Variants in NUP210 observed in about 807,000 individuals in gnomAD.
The protein encoded by NUP210 is nuclear pore membrane glycoprotein 210.
In NUP210, 151 loss-of-function variants were observed where a neutral mutation model predicts 196.0. The observed-to-expected ratio is 0.77, with a 90% CI of 0.67 to 0.88. NUP210 has a LOEUF of 0.88. NUP210 is among the 40% of genes least tolerant of loss of function. The pLI is 0.00. For missense variants in NUP210, 2,314 were observed against 2,493.7 expected, an observed-to-expected ratio of 0.93 and a Z score of 1.53; for synonymous variants, 1,070 against 1,052.7, an observed-to-expected ratio of 1.02 and a Z score of -0.32.
At chr3:13,318,330 A>G (rs1696358287) in intron 39 of NUP210, among the ~76,000 whole-genome samples, 1 of 152,186 alleles carries the variant, frequency 6.6e-6, no homozygotes, top group Non-Finnish European at 1.5e-5. Flanking sequence ...CTTTGCAGGT[A>G]GAGAAGTCGT....
At chr3:13,387,913 C>T (rs1479201193) in intron 5 of NUP210, among the ~76,000 whole-genome samples, 1 of 152,098 alleles carries the variant, frequency 6.6e-6, no homozygotes, top group Non-Finnish European at 1.5e-5. Flanking sequence ...CAAGGAGAGA[C>T]AGCATAGAAG....
intron 6 of NUP210, among the ~76,000 whole-genome samples, chr3:13,381,588 T>C (rs1699102342): frequency 1.3e-5 from 2 of 152,034 alleles, no homozygotes; most frequent in African/African-American, 4.8e-5. Context: ...AGATACCCCC[T>C]GTATCCTGGA....
Position 13,358,342 on chromosome 3 carries a change from C to T in NUP210, c.2208G>A (p.Ala736=), listed in dbSNP as rs753850157. ...NKPSLTNPFP[A]VEPAVVKFVC... ...CGAACTTCACCACGGCAGGCTCCAC[C>T]GCAGGAAAGGGGTTGGTGAGGCTGG... Residue 736 remains alanine, a synonymous_variant, in exon 16 of 40, where the codon GCG becomes GCA. Transcript: ENST00000254508. 9 of 1,613,886 alleles carry T rather than the reference C, an allele frequency of 5.6e-6. No homozygotes were observed. Among genetic ancestry groups the T allele is most frequent in the Admixed American group, 1.7e-5 (1 of 60,000 alleles).
intron 6 of NUP210, among the ~76,000 whole-genome samples, chr3:13,384,831 C>T (rs557531618): frequency 6.6e-5 from 10 of 152,326 alleles, no homozygotes; most frequent in African/African-American, 2.4e-4. Context: ...TATCTTGGAG[C>T]CTCCTCCCCT....
chr3:13,410,455 G>A (rs1055926645), intron 1 of NUP210, among the ~76,000 whole-genome samples: 1 of 151,366 alleles, frequency 6.6e-6, no homozygotes, highest in Non-Finnish European at 1.5e-5. Context: ...TGGGATTACA[G>A]GCGTGAGCCA....
At chr3:13,337,982 G>C (rs1576357897) in intron 25 of NUP210, 65 bp from the exon 26 acceptor site, 1 of 1,466,650 alleles carries the variant, frequency 6.8e-7, no homozygotes. Flanking sequence ...TTCAGGAAGG[G>C]ACCCCTCAAG....
chr3:13,401,127 C>A (rs974195247), intron 1 of NUP210, among the ~76,000 whole-genome samples: 2 of 151,702 alleles, frequency 1.3e-5, no homozygotes, highest in Non-Finnish European at 1.5e-5. Context: ...GGCTTGGTGG[C>A]AGGTACCTGT....
At chr3:13,374,144 T>G (rs1451691798) in intron 11 of NUP210, among the ~76,000 whole-genome samples, 1 of 151,670 alleles carries the variant, frequency 6.6e-6, no homozygotes, top group Non-Finnish European at 1.5e-5. Context: ...CTGCTCACAC[T>G]CATTTACTCT....
In NUP210 at chr3:13,325,789, G is replaced by T. The variant is rs1200971897; in HGVS notation, c.4644+6C>A. On this transcript the variant is annotated splice_donor_region_variant and intron_variant, in intron 33 of 39. Transcript: ENST00000254508. ...CCACATGTGCCTCCGGCTGCTTAGA[G>T]CCCACCTCCTTGTAGGTCCTCAGGT... 5.6e-6 allele frequency: 9 copies of T among 1,613,420 alleles called. No homozygotes were observed. The highest frequency in any genetic ancestry group is 1.7e-5 in the Admixed American group (1 of 60,006).
intron 3 of NUP210, among the ~76,000 whole-genome samples, chr3:13,391,508 G>T (rs1460571274): frequency 6.6e-6 from 1 of 151,708 alleles, no homozygotes; most frequent in East Asian, 2.0e-4. Flanking sequence ...GTGACCACCA[G>T]GGGGCGAGGC....
Position 13,379,489 on chromosome 3 carries a change from AG to A in NUP210, c.976+73del. The A allele has an allele frequency of 1.3e-6, 2 of 1,584,238 alleles. No individual in the cohort carries two copies. The highest frequency in any genetic ancestry group is 1.7e-6 in the Non-Finnish European group (2 of 1,157,870). On this transcript the variant is annotated intron_variant, in intron 7 of 39. Coordinates refer to ENST00000254508, the MANE Select transcript of NUP210 (RefSeq NM_024923.4). This position sits in a 1 kb window ranked among gnomAD's most constrained non-coding sequence, Gnocchi z 4.2. ...CTATTTTTAGCCCTGCCGAGCTTTC[AG>A]GGAAAAAAAGACTTGACTTCCAAAC...
chr3:13,351,444 A>C (rs1697967223), intron 20 of NUP210, among the ~76,000 whole-genome samples: 1 of 152,236 alleles, frequency 6.6e-6, no homozygotes, highest in Non-Finnish European at 1.5e-5. Context: ...TGAATCAGAG[A>C]ATCTAAAGAC....
chr3:13,324,399 C>T (rs544575312), intron 33 of NUP210, among the ~76,000 whole-genome samples: 2 of 152,298 alleles, frequency 1.3e-5, no homozygotes, highest in East Asian at 3.9e-4. Flanking sequence ...GCTCCTGCCG[C>T]ACCCACCCAG....
At chr3:13,400,832 G>A (rs1020218269) in intron 1 of NUP210, among the ~76,000 whole-genome samples, 1 of 152,196 alleles carries the variant, frequency 6.6e-6, no homozygotes, top group African/African-American at 2.4e-5. Flanking sequence ...GGCCGCACCC[G>A]GCACAGCACC....
At chr3:13,363,691 T>C (rs1403472255) in intron 14 of NUP210, among the ~76,000 whole-genome samples, 1 of 152,202 alleles carries the variant, frequency 6.6e-6, no homozygotes, top group African/African-American at 2.4e-5. Flanking sequence ...TCCTTGTAAA[T>C]AAACCTGATC....
chr3:13,372,743 A>G (rs1010500401), intron 12 of NUP210, among the ~76,000 whole-genome samples: 25 of 152,136 alleles, frequency 1.6e-4, no homozygotes, highest in Non-Finnish European at 4.4e-5. Flanking sequence ...ACTGGCCTGA[A>G]GGGAAAGGGC....
rs757438468 is a variant in NUP210 at position 13,353,651 on chromosome 3, G to A, written c.2531C>T (p.Ala844Val). 24 of 1,613,892 alleles carry A rather than the reference G, an allele frequency of 1.5e-5. No homozygotes were observed. The Middle Eastern group carries it at 1.3e-3, about 88-fold the overall frequency. The change falls in exon 18 of 40, where the codon GCC (alanine) becomes GTC (valine). Residue 844 changes from alanine (A) to valine (V), a missense_variant. By Grantham distance (64) the Ala-to-Val change is moderately conservative. Coordinates refer to ENST00000254508, the MANE Select transcript of NUP210 (RefSeq NM_024923.4). ...SGQKKLHGLQAILVHEASGTT... is the reference protein window; with the variant it reads ...SGQKKLHGLQVILVHEASGTT... ...TCCTGATGCCTCGTGAACCAAAATG[G>A]CCTGCAAACCTGAGACCAGGAAGAA...
chr3:13,324,060 T>C (rs1696645232), intron 33 of NUP210, among the ~76,000 whole-genome samples: 2 of 152,178 alleles, frequency 1.3e-5, no homozygotes, highest in South Asian at 2.1e-4. Context: ...AGGGATGCGA[T>C]TGAAGCCCCT....
chr3:13,363,074 A>G (rs1366476519), intron 14 of NUP210, among the ~76,000 whole-genome samples: 1 of 152,222 alleles, frequency 6.6e-6, no homozygotes, highest in African/African-American at 2.4e-5. Context: ...TGAAATGGGT[A>G]CAATGATAAT....
Sources: allele counts gnomAD v4.1 joint callset (sites outside exome capture counted in the v4.1 genomes callset), GRCh38; gene constraint gnomAD v4.1.1; non-coding constraint Gnocchi (gnomAD v3.1); transcripts MANE v1.5; gene names NCBI Gene and HGNC (gene_info 2026-07-23, HGNC 2026-07-21).